The following ASTN1 variants were observed in gnomAD, a reference collection of about 807,000 sequenced individuals.
The protein encoded by ASTN1 is astrotactin 1, also known as astrotactin-1.
A neutral mutation model predicts 140.7 loss-of-function variants in ASTN1; 41 were observed. The observed-to-expected ratio is 0.29, with a 90% CI of 0.23 to 0.38. The LOEUF is 0.38. Among genes scored for constraint, ASTN1 ranks in the 10% least tolerant of loss-of-function variants. The pLI is 1.00. For missense variants in ASTN1, 1,479 were observed against 1,678.8 expected, an observed-to-expected ratio of 0.88 and a Z score of 2.08; for synonymous variants, 640 against 652.2, an observed-to-expected ratio of 0.98 and a Z score of 0.29.
In ASTN1 at chr1:176,890,081, T is replaced by A. The variant is rs563792193; in HGVS notation, c.2941-1877A>T. Reference sequence around the variant, plus strand: ...TAAGCACCTGCAAGGGGCCATTTTCTACGTGAAGCATTAAGGATACGAGGA... The same window carrying A: ...TAAGCACCTGCAAGGGGCCATTTTCAACGTGAAGCATTAAGGATACGAGGA... On this transcript the variant is annotated intron_variant, in intron 17 of 22. Coordinates refer to ENST00000361833, the MANE Select transcript of ASTN1 (RefSeq NM_004319.3). 1.2e-4 allele frequency among the ~76,000 whole-genome samples: 18 copies of A among 152,342 alleles called. 1 individual carries two copies. In the South Asian group the frequency reaches 3.5e-3, roughly 30 times the overall value.
At chr1:176,998,319 T>C (rs1674551541) in intron 8 of ASTN1, among the ~76,000 whole-genome samples, 1 of 152,172 alleles carries the variant, frequency 6.6e-6, no homozygotes, top group Non-Finnish European at 1.5e-5. Context: ...ATTATGTAAA[T>C]GAGGCAACAA....
intron 8 of ASTN1, among the ~76,000 whole-genome samples, chr1:176,990,277 T>C: frequency 6.6e-6 from 1 of 151,990 alleles, no homozygotes. Flanking sequence ...ATTTTTTTTT[T>C]CCTTTTAAAA....
chr1:176,934,401 C>G, intron 15 of ASTN1, 61 bp from the exon 16 acceptor site: 3 of 1,481,700 alleles, frequency 2.0e-6, no homozygotes, highest in Non-Finnish European at 2.7e-6. Context: ...ATACGGATTC[C>G]CAGGCAATTC....
intron 2 of ASTN1, 83 bp downstream of exon 2, chr1:177,060,995 G>T: frequency 7.8e-7 from 1 of 1,281,552 alleles, no homozygotes. Context: ...AGGTCTGATA[G>T]AGTGATATCT....
intron 2 of ASTN1, among the ~76,000 whole-genome samples, chr1:177,041,777 T>A (rs766633098): frequency 1.3e-5 from 2 of 152,224 alleles, no homozygotes; most frequent in Admixed American, 1.3e-4. Context: ...TTTTCTCTGA[T>A]CATAAAGGAG....
intron 11 of ASTN1, among the ~76,000 whole-genome samples, chr1:176,950,997 T>C (rs1672168360): frequency 6.6e-6 from 1 of 152,164 alleles, no homozygotes; most frequent in Non-Finnish European, 1.5e-5. Context: ...CTTCCTCCTC[T>C]TTCTTAGTTG....
intron 1 of ASTN1, among the ~76,000 whole-genome samples, chr1:177,106,428 C>T (rs193087335): frequency 3.3e-5 from 5 of 152,234 alleles, no homozygotes; most frequent in African/African-American, 9.6e-5. Flanking sequence ...TTTCCTAAGT[C>T]CTGGCTTTCA....
At chr1:177,158,499 T>C (rs1683339674) in intron 1 of ASTN1, among the ~76,000 whole-genome samples, 1 of 152,200 alleles carries the variant, frequency 6.6e-6, no homozygotes, top group Admixed American at 6.5e-5. Flanking sequence ...GCCATCTGTG[T>C]GCATATACAT....
intron 16 of ASTN1, among the ~76,000 whole-genome samples, chr1:176,895,914 C>A (rs1015394188): frequency 1.3e-5 from 2 of 152,164 alleles, no homozygotes; most frequent in Non-Finnish European, 2.9e-5. Context: ...GACCACTAAG[C>A]TTTTGGACAT....
chr1:176,882,889 A>G lies in ASTN1; in HGVS notation c.3332T>C (p.Ile1111Thr), dbSNP rs1287557396. 4 of 1,614,146 alleles carry G rather than the reference A, an allele frequency of 2.5e-6. No individual in the cohort carries two copies. The highest frequency in any genetic ancestry group is 3.4e-6 in the Non-Finnish European group (4 of 1,180,010). ...DKQLTTISLI[I>T]RCLEPDTIYM... ...AATGGTGTCAGGTTCCAGGCATCGT[A>G]TGATCAGAGAGATGGTGGTGAGCTG... Residue 1111 changes from isoleucine (I) to threonine (T), a missense_variant, in exon 20 of 23, where the codon ATA (isoleucine) becomes ACA (threonine). Physicochemically the swap from Ile to Thr is moderately conservative, Grantham distance 89. This residue lies in a region of ASTN1 where 746 missense variants were observed against 800.9 expected (regional missense o/e 0.93). Transcript: ENST00000361833.
At position 177,108,556 on chromosome 1, in the gene ASTN1, A is replaced by G. The variant is rs576718954; in HGVS notation, c.284-47291T>C. ...CCTCTTTGAGGCTGAATAATATTCCATTGTGTGTGTATACCCACTCCCTGC... is the reference window on the plus strand; with the variant it reads ...CCTCTTTGAGGCTGAATAATATTCCGTTGTGTGTGTATACCCACTCCCTGC... On this transcript the variant is annotated intron_variant, in intron 1 of 22. Transcript: ENST00000361833. 3.7e-4 allele frequency among the ~76,000 whole-genome samples: 57 copies of G among 152,164 alleles called. 1 individual carries two copies. Among genetic ancestry groups the G allele is most frequent in the African/African-American group, 1.2e-3 (49 of 41,520 alleles).
At chr1:176,898,594 GGTAA>G (rs1232224933) in intron 16 of ASTN1, among the ~76,000 whole-genome samples, 1 of 152,202 alleles carries the variant, frequency 6.6e-6, no homozygotes, top group Non-Finnish European at 1.5e-5. Flanking sequence ...TCACGTCTGT[GGTAA>G]GTGAGAGTCG....
At chr1:176,993,480 C>G (rs923595239) in intron 8 of ASTN1, among the ~76,000 whole-genome samples, 22 of 152,030 alleles carry the variant, frequency 1.4e-4, no homozygotes, top group Admixed American at 1.2e-3. Flanking sequence ...CAAATGGGAG[C>G]AGGAAGACAT....
At chr1:177,157,989 T>C (rs1571864318) in intron 1 of ASTN1, among the ~76,000 whole-genome samples, 1 of 152,238 alleles carries the variant, frequency 6.6e-6, no homozygotes, top group Non-Finnish European at 1.5e-5. Context: ...TGCCACCTTG[T>C]ATATTTCTAG....
At chr1:177,039,297 C>G (rs1676865607) in intron 2 of ASTN1, among the ~76,000 whole-genome samples, 2 of 152,220 alleles carry the variant, frequency 1.3e-5, no homozygotes, top group African/African-American at 2.4e-5. Context: ...ATAGGAATCA[C>G]ATACAAGAGT....
chr1:176,886,940 A>G (rs1306876982), intron 18 of ASTN1, among the ~76,000 whole-genome samples: 1 of 152,146 alleles, frequency 6.6e-6, no homozygotes, highest in Non-Finnish European at 1.5e-5. Flanking sequence ...GGCAGATGCC[A>G]TATTAGAGGC....
intron 1 of ASTN1, among the ~76,000 whole-genome samples, chr1:177,163,423 T>C (rs1647506353): frequency 6.6e-6 from 1 of 152,148 alleles, no homozygotes; most frequent in Non-Finnish European, 1.5e-5. Flanking sequence ...TGTGGTGCTT[T>C]GCAAGATACT....
intron 16 of ASTN1, among the ~76,000 whole-genome samples, chr1:176,925,812 C>CTTTTT (rs10658674): frequency 7.0e-6 from 1 of 142,520 alleles, no homozygotes; most frequent in Non-Finnish European, 1.5e-5. Context: ...TAAAGGCATT[C>CTTTTT]TTTTTTTTTT....
intron 1 of ASTN1, among the ~76,000 whole-genome samples, chr1:177,076,714 T>A (rs887606636): frequency 1.3e-5 from 2 of 151,772 alleles, no homozygotes; most frequent in Admixed American, 1.3e-4. Context: ...TAGAGACGAG[T>A]GTTTCACCAT....
Sources: gnomAD v4.1 joint callset for allele counts (sites outside exome capture counted in the v4.1 genomes callset) on GRCh38, gnomAD v4.1.1 for gene constraint, gnomAD v4.1.1 regional missense constraint, MANE v1.5 for transcripts, NCBI Gene and HGNC (gene_info 2026-07-23, HGNC 2026-07-21) for gene names.